PLS3: variants seen among roughly 807,000 people sequenced by gnomAD.
PLS3 encodes the protein plastin-3.
Under a neutral mutation model 46.5 loss-of-function variants are expected in PLS3, and 11 were observed. The observed-to-expected ratio is 0.24, with a 90% CI of 0.15 to 0.39. The LOEUF (loss-of-function observed/expected upper bound fraction) is 0.39. Among genes scored for constraint, PLS3 ranks in the 10% least tolerant of loss-of-function variants. The probability of loss-of-function intolerance (pLI) is 1.00; values close to 1 mark genes in which losing one functional copy is unlikely to be tolerated. For missense variants in PLS3, 308 were observed against 461.8 expected (o/e 0.67, Z 3.05); for synonymous variants, 167 against 162.2 (o/e 1.03, Z -0.22).
At chrX:115,648,169 ATACT>A in intron 15 of PLS3, 152 bp downstream of exon 15, 1 of 425,354 alleles carries the variant, frequency 2.4e-6, no homozygotes, top group East Asian at 4.1e-5. Context: ...GGGGGCAATA[ATACT>A]TACCTTAGAT....
At chrX:115,648,166 A>T in intron 15 of PLS3, 149 bp downstream of exon 15, 1 of 434,357 alleles carries the variant, frequency 2.3e-6, no homozygotes, top group Non-Finnish European at 3.9e-6. Context: ...ACTGGGGGCA[A>T]TAATACTTAC....
At chrX:115,637,240 G>A in intron 8 of PLS3, among the ~76,000 whole-genome samples, 1 of 111,678 alleles carries the variant, frequency 9.0e-6, no homozygotes, top group Middle Eastern at 4.6e-3. Context: ...GGTAAACATG[G>A]AGTATTAAAG....
chrX:115,623,214 G>C (rs1470349580), intron 3 of PLS3, among the ~76,000 whole-genome samples: 2 of 111,850 alleles, frequency 1.8e-5, no homozygotes, highest in African/African-American at 6.5e-5. Flanking sequence ...TAGCTGGCTG[G>C]GTGTGGTGGC....
intron 1 of PLS3, among the ~76,000 whole-genome samples, chrX:115,607,788 C>G (rs2147482771): frequency 8.9e-6 from 1 of 112,163 alleles, no homozygotes; most frequent in South Asian, 3.7e-4. Flanking sequence ...CAGGCGTGAG[C>G]CAGTGCGCCT....
intron 8 of PLS3, among the ~76,000 whole-genome samples, chrX:115,637,595 A>T (rs193279295): frequency 8.9e-6 from 1 of 111,830 alleles, no homozygotes; most frequent in Non-Finnish European, 1.9e-5. Context: ...GGGAAAACTA[A>T]CAATGGAGGA....
chrX:115,616,462 G>A (rs115319607), intron 2 of PLS3, among the ~76,000 whole-genome samples: 3,095 of 111,981 alleles, frequency 0.028, 104 homozygotes, highest in African/African-American at 0.095. Context: ...TTTCTCCGAT[G>A]TAGAAAATTA....
intron 3 of PLS3, among the ~76,000 whole-genome samples, chrX:115,627,552 A>G (rs781991279): frequency 6.2e-5 from 7 of 112,433 alleles, no homozygotes; most frequent in Non-Finnish European, 1.1e-4. Flanking sequence ...CATCACAGTT[A>G]AGGCACAGTT....
Position 115,593,267 on chromosome X carries a change from G to A in PLS3, c.-8-16976G>A, listed in dbSNP as rs782673542. Among the ~76,000 whole-genome samples, 4 of 109,495 alleles carry A rather than the reference G, an allele frequency of 3.7e-5. No homozygotes were observed. In the South Asian group the frequency reaches 1.6e-3, roughly 44 times the overall value. On this transcript the variant is annotated intron_variant, in intron 1 of 15. Transcript: ENST00000355899. ...TGGCTACTGTTCAAACTCTAAATAG[G>A]TATATGGGTTGTAGCTATTTGACCT...
chrX:115,604,353 G>A (rs782326820), intron 1 of PLS3, among the ~76,000 whole-genome samples: 1 of 111,865 alleles, frequency 8.9e-6, no homozygotes, highest in South Asian at 3.7e-4. Flanking sequence ...TTTCTTTCAT[G>A]AAGGATTTGA....
chrX:115,631,367 G>A (rs186210439), intron 5 of PLS3, among the ~76,000 whole-genome samples: 211 of 109,579 alleles, frequency 1.9e-3, no homozygotes, highest in Non-Finnish European at 2.0e-3. Context: ...CACCGCGCCC[G>A]GCTGACAGTA....
At chrX:115,593,600 G>C (rs1040707578) in intron 1 of PLS3, 3 of 110,941 alleles carry the variant, frequency 2.7e-5, no homozygotes, top group Non-Finnish European at 3.8e-5. Context: ...TCAGTGCTGC[G>C]AGAAAGGAAA....
chrX:115,595,880 G>A (rs960297031), intron 1 of PLS3, among the ~76,000 whole-genome samples: 1 of 108,249 alleles, frequency 9.2e-6, no homozygotes, highest in African/African-American at 3.4e-5. Flanking sequence ...GTAGAGATGG[G>A]GTTTCACCAT....
chrX:115,628,109 C>T (rs782405086), intron 3 of PLS3, among the ~76,000 whole-genome samples: 7 of 112,033 alleles, frequency 6.2e-5, no homozygotes, highest in Middle Eastern at 4.6e-3. Flanking sequence ...CAGTCCTGTG[C>T]GAGACACAAG....
chrX:115,575,625 A>C (rs1162287976), intron 1 of PLS3, among the ~76,000 whole-genome samples: 4 of 111,205 alleles, frequency 3.6e-5, no homozygotes, highest in African/African-American at 1.3e-4. Context: ...TTGTATTTTT[A>C]GTAGAGACGG....
At chrX:115,584,473 C>T (rs2074296213) in intron 1 of PLS3, among the ~76,000 whole-genome samples, 1 of 112,331 alleles carries the variant, frequency 8.9e-6, no homozygotes, top group Non-Finnish European at 1.9e-5. Context: ...ATATTATCTA[C>T]AGCTTGAATA....
intron 5 of PLS3, among the ~76,000 whole-genome samples, chrX:115,630,824 CAT>C (rs1556639229): frequency 2.3e-5 from 2 of 88,222 alleles, no homozygotes; most frequent in African/African-American, 4.3e-5. Flanking sequence ...ATATATAATA[CAT>C]GTATATATGT....
intron 1 of PLS3, among the ~76,000 whole-genome samples, chrX:115,573,198 G>A (rs1209910624): frequency 9.1e-6 from 1 of 109,490 alleles, no homozygotes; most frequent in Non-Finnish European, 1.9e-5. Flanking sequence ...TATAAACCTT[G>A]TGTGAACAAA....
At chrX:115,643,178 TCAAAACAA>T in intron 9 of PLS3, 127 bp from the exon 10 acceptor site, 1 of 451,919 alleles carries the variant, frequency 2.2e-6, no homozygotes. Context: ...TTTTTTGCAT[TCAAAACAA>T]TTTTATAATA....
intron 5 of PLS3, among the ~76,000 whole-genome samples, chrX:115,631,045 T>TTATATA (rs60211968): frequency 1.5e-4 from 14 of 94,600 alleles, no homozygotes; most frequent in African/African-American, 4.8e-4. Context: ...TAATATAACA[T>TTATATA]TATATATATA....
Sources: allele counts gnomAD v4.1 joint callset (sites outside exome capture counted in the v4.1 genomes callset), GRCh38; gene constraint gnomAD v4.1.1; transcripts MANE v1.5; gene names NCBI Gene and HGNC (gene_info 2026-07-23, HGNC 2026-07-21).